DNAH11: variants seen among roughly 807,000 people sequenced by gnomAD.
DNAH11 encodes the protein dynein axonemal heavy chain 11, also known as axonemal beta dynein heavy chain 11.
Under a neutral mutation model 526.0 loss-of-function variants are expected in DNAH11, and 442 were observed. That is an observed-to-expected ratio of 0.84 (90% CI 0.78 to 0.91). The LOEUF is 0.91. Among genes scored for constraint, DNAH11 ranks in the 40% least tolerant of loss-of-function variants. The probability of loss-of-function intolerance (pLI) is 0.00; values close to 1 mark genes in which losing one functional copy is unlikely to be tolerated. For missense variants in DNAH11, 6,989 were observed against 5,448.7 expected (o/e 1.28, Z -8.90); for synonymous variants, 2,461 against 1,935.9 (o/e 1.27, Z -7.12).
At chr7:21,848,166 CAAAAAAA>C in intron 66 of DNAH11, among the ~76,000 whole-genome samples, 1 of 89,014 alleles carries the variant, frequency 1.1e-5, no homozygotes, top group African/African-American at 4.2e-5. Context: ...GACTCTGTTT[CAAAAAAA>C]AAAAAAAAAA....
At chr7:21,718,427 T>G (rs6461595) in intron 43 of DNAH11, among the ~76,000 whole-genome samples, 70,530 of 151,978 alleles carry the variant, frequency 0.46, 16,607 homozygotes, top group East Asian at 0.57. Context: ...AGAAAGCCTC[T>G]GAATTCTACC....
intron 30 of DNAH11, among the ~76,000 whole-genome samples, chr7:21,662,597 CT>C (rs979296370): frequency 4.5e-4 from 68 of 151,964 alleles, no homozygotes; most frequent in African/African-American, 1.2e-3. Flanking sequence ...CGTTACCTCA[CT>C]TTTTTTTGTG....
chr7:21,809,859 C>A (rs1789433186), intron 63 of DNAH11, among the ~76,000 whole-genome samples: 1 of 152,134 alleles, frequency 6.6e-6, no homozygotes, highest in African/African-American at 2.4e-5. Flanking sequence ...AACCACTACA[C>A]CTGGCCTGAT....
Position 21,864,548 on chromosome 7 carries a change from A to G in DNAH11, c.11387A>G (p.Lys3796Arg). The G allele has an allele frequency of 1.2e-6, 2 of 1,611,142 alleles. No homozygotes were observed. Among genetic ancestry groups the G allele is most frequent in the South Asian group, 1.1e-5 (1 of 90,514 alleles). The change falls in exon 70 of 82, where the codon AAG becomes AGG. Residue 3796 changes from lysine (K) to arginine (R), a missense_variant. By Grantham distance (26) the Lys-to-Arg change is conservative. Coordinates refer to ENST00000409508, the MANE Select transcript of DNAH11 (RefSeq NM_001277115.2). ...TCTACTCTCAAGATTTTGTTGAGAA[A>G]GAAAGAGATAGACCCTCTTGAATTG... Reference protein sequence around the residue: ...SQMAFQILLRKKEIDPLELDF... With the variant: ...SQMAFQILLRRKEIDPLELDF...
intron 34 of DNAH11, among the ~76,000 whole-genome samples, 184 bp from the exon 35 acceptor site, chr7:21,690,581 G>C (rs749396183): frequency 4.6e-5 from 7 of 152,162 alleles, no homozygotes; most frequent in Non-Finnish European, 1.0e-4. Flanking sequence ...GGAAAAGGGA[G>C]GGTATTTTTA....
chr7:21,629,261 A>G (rs541922548), intron 25 of DNAH11, among the ~76,000 whole-genome samples: 2 of 152,282 alleles, frequency 1.3e-5, no homozygotes, highest in East Asian at 3.9e-4. Flanking sequence ...CATTGTAATC[A>G]GAAAAGGTAC....
In DNAH11 at chr7:21,880,523, A is replaced by C. The variant is rs184912495; in HGVS notation, c.12196-179A>C. On this transcript the variant is annotated intron_variant, in intron 74 of 81. Transcript: ENST00000409508. ...ATAAAAGTATTCCTCTTAAGCCAAC[A>C]GACTGGCAAATGCCAAATAATCTCC... Among the ~76,000 whole-genome samples the C allele has an allele frequency of 4.2e-3, 640 of 152,370 alleles. 13 individuals are homozygous for C. The highest frequency in any genetic ancestry group is 0.037 in the Admixed American group (561 of 15,302).
At chr7:21,555,976 C>G (rs1562657438) in intron 2 of DNAH11, among the ~76,000 whole-genome samples, 1 of 152,158 alleles carries the variant, frequency 6.6e-6, no homozygotes, top group Non-Finnish European at 1.5e-5. Context: ...TAATGGCGGT[C>G]TTGCAAGATT....
chr7:21,609,233 T>C (rs1583525015), intron 20 of DNAH11, among the ~76,000 whole-genome samples: 1 of 152,178 alleles, frequency 6.6e-6, no homozygotes, highest in African/African-American at 2.4e-5. Context: ...CTTTTCTTTC[T>C]TTGACAGAGT....
chr7:21,576,669 A>G (rs1318439204), intron 8 of DNAH11, among the ~76,000 whole-genome samples: 2 of 152,200 alleles, frequency 1.3e-5, no homozygotes, highest in African/African-American at 2.4e-5. Context: ...ATCAGTGTCA[A>G]TGCTGTATTT....
intron 41 of DNAH11, among the ~76,000 whole-genome samples, 158 bp from the exon 42 acceptor site, chr7:21,711,554 T>C (rs1784463967): frequency 6.6e-6 from 1 of 152,238 alleles, no homozygotes; most frequent in Non-Finnish European, 1.5e-5. Context: ...AGTCAGGTCA[T>C]CTCAGGGGTG....
chr7:21,827,832 G>A (rs767327485), intron 65 of DNAH11, among the ~76,000 whole-genome samples: 22 of 152,104 alleles, frequency 1.4e-4, no homozygotes, highest in Non-Finnish European at 2.6e-4. Flanking sequence ...ATAGTTGACT[G>A]TAGATCTATT....
intron 20 of DNAH11, among the ~76,000 whole-genome samples, chr7:21,613,408 C>G (rs1420758286): frequency 6.6e-6 from 1 of 152,044 alleles, no homozygotes; most frequent in Non-Finnish European, 1.5e-5. Flanking sequence ...ATTTCTTAGG[C>G]TAGGTGGGGA....
intron 14 of DNAH11, among the ~76,000 whole-genome samples, chr7:21,595,766 A>G (rs1367663864): frequency 1.3e-5 from 2 of 151,536 alleles, no homozygotes; most frequent in Non-Finnish European, 2.9e-5. Context: ...GTGGATGGCA[A>G]TGATATTTAA....
At chr7:21,839,551 G>A (rs918990814) in intron 65 of DNAH11, among the ~76,000 whole-genome samples, 1 of 151,066 alleles carries the variant, frequency 6.6e-6, no homozygotes, top group East Asian at 1.9e-4. Flanking sequence ...CTCCAACCTG[G>A]GCGACAGAGT....
chr7:21,861,818 T>C (rs72658805), intron 68 of DNAH11, 35 bp from the exon 69 acceptor site: 26 of 1,607,916 alleles, frequency 1.6e-5, no homozygotes, highest in South Asian at 1.1e-4. Flanking sequence ...CAGGCACCAG[T>C]TGTCACATTT....
chr7:21,673,908 T>G (rs557383726), intron 30 of DNAH11, among the ~76,000 whole-genome samples: 28 of 138,562 alleles, frequency 2.0e-4, no homozygotes, highest in South Asian at 7.6e-4. Flanking sequence ...TATATTCATG[T>G]TTTTTTTTTG....
intron 2 of DNAH11, among the ~76,000 whole-genome samples, chr7:21,556,287 C>A (rs576710537): frequency 6.6e-6 from 1 of 152,160 alleles, no homozygotes; most frequent in African/African-American, 2.4e-5. Flanking sequence ...CATCTGCAGG[C>A]TGGCTGCCAG....
At position 21,636,034 on chromosome 7, in the gene DNAH11, A is replaced by G. The variant is rs761164414; in HGVS notation, c.4664A>G (p.Asp1555Gly). ...HLESIFVCSE[D>G]IRIQLVKDAR... The stretch of plus-strand genomic sequence containing the variant: ...GAAAGCATTTTTGTCTGTTCAGAAG[A>G]TATTCGAATCCAGCTTGTGAAAGAT... Residue 1555 changes from aspartate to glycine, a missense_variant, in exon 26 of 82, where the codon GAT becomes GGT. Asp to Gly is a moderately conservative substitution (Grantham distance 94). Coordinates refer to ENST00000409508, the MANE Select transcript of DNAH11 (RefSeq NM_001277115.2). The G allele has an allele frequency of 6.2e-7, 1 of 1,613,456 alleles. No individual in the cohort carries two copies. The highest frequency in any genetic ancestry group is 1.7e-5 in the Admixed American group (1 of 59,974).
Sources: gnomAD v4.1 joint callset for allele counts (sites outside exome capture counted in the v4.1 genomes callset) on GRCh38, gnomAD v4.1.1 for gene constraint, MANE v1.5 for transcripts, NCBI Gene and HGNC (gene_info 2026-07-23, HGNC 2026-07-21) for gene names.